PON3: variants seen among roughly 807,000 people sequenced by gnomAD.
PON3 encodes the protein paraoxonase 3.
A neutral mutation model predicts 36.3 loss-of-function variants in PON3; 37 were observed. The ratio of observed to expected loss-of-function variants is 1.02; its 90% confidence interval spans 0.78 to 1.34. PON3 has a LOEUF of 1.34. Among genes scored for constraint, PON3 ranks in the 40% most tolerant of loss-of-function variants. The pLI is 0.00. For synonymous variants in PON3, 155 were observed against 154.8 expected, an observed-to-expected ratio of 1.00 and a Z score of -0.01; for missense variants, 415 against 426.5, an observed-to-expected ratio of 0.97 and a Z score of 0.24.
Position 95,394,625 on chromosome 7 carries a change from G to A in PON3, c.145+19C>T, listed in dbSNP as rs779522643. 46 of 1,608,878 alleles carry A rather than the reference G, an allele frequency of 2.9e-5. No homozygotes were observed. Among genetic ancestry groups the A allele is most frequent in the Non-Finnish European group, 3.7e-5 (43 of 1,175,478 alleles). ...CCAAGAAGCTGTGCTGGCTCCTCTT[G>A]GTACTGTCACATACATACCAAGTTC... On this transcript the variant is annotated intron_variant, in intron 2 of 8. Coordinates refer to ENST00000265627, the MANE Select transcript of PON3 (RefSeq NM_000940.3).
chr7:95,391,932 A>C (rs754772570), intron 2 of PON3, among the ~76,000 whole-genome samples: 2 of 152,218 alleles, frequency 1.3e-5, no homozygotes, highest in Admixed American at 6.5e-5. Flanking sequence ...CACAACAGAG[A>C]GTAAAAAGGC....
intron 3 of PON3, among the ~76,000 whole-genome samples, chr7:95,383,249 C>T (rs1469444919): frequency 6.6e-6 from 1 of 152,188 alleles, no homozygotes; most frequent in Non-Finnish European, 1.5e-5. Context: ...CAATATCATA[C>T]TGAATGGGCA....
At chr7:95,375,838 T>C (rs1323747196) in intron 3 of PON3, among the ~76,000 whole-genome samples, 2 of 152,228 alleles carry the variant, frequency 1.3e-5, no homozygotes, top group Non-Finnish European at 2.9e-5. Flanking sequence ...ATTCTTTTCA[T>C]ACCATTCACT....
chr7:95,390,085 A>G, intron 3 of PON3, 69 bp downstream of exon 3: 1 of 1,458,498 alleles, frequency 6.9e-7, no homozygotes, highest in South Asian at 1.1e-5. Flanking sequence ...GCAGCTCCAG[A>G]GGACAACATT....
At chr7:95,364,987 A>C (rs779145423) in intron 5 of PON3, 8 of 152,154 alleles carry the variant, frequency 5.3e-5, no homozygotes, top group Non-Finnish European at 1.2e-4. Flanking sequence ...TGAATCAGGA[A>C]ATACTTTGAA....
At chr7:95,366,294 A>G (rs924304074) in intron 5 of PON3, among the ~76,000 whole-genome samples, 2 of 152,170 alleles carry the variant, frequency 1.3e-5, no homozygotes, top group African/African-American at 4.8e-5. Flanking sequence ...TGAGGCACCA[A>G]TTAAGTGACT....
chr7:95,376,386 A>G (rs1416335246), intron 3 of PON3, among the ~76,000 whole-genome samples: 2 of 152,220 alleles, frequency 1.3e-5, no homozygotes, highest in Non-Finnish European at 2.9e-5. Context: ...CAAATCAGCA[A>G]CTTCCAAACA....
chr7:95,384,412 C>T (rs1020872885), intron 3 of PON3, among the ~76,000 whole-genome samples: 5 of 152,046 alleles, frequency 3.3e-5, no homozygotes, highest in African/African-American at 1.2e-4. Context: ...TCAGAATGAA[C>T]AGGCAACCTA....
Position 95,381,132 on chromosome 7 carries a change from C to G in PON3, c.202-8794G>C, listed in dbSNP as rs534882747. Among the ~76,000 whole-genome samples, 16 of 152,254 alleles carry G rather than the reference C, an allele frequency of 1.1e-4. No individual in the cohort carries two copies. In the South Asian group the frequency reaches 3.3e-3, roughly 32 times the overall value. ...TCACAAGTGAAGGAGAAATAAAATCCTTTACAGACAAGCAAATGCAGAGAA... is the reference window on the plus strand; with the variant it reads ...TCACAAGTGAAGGAGAAATAAAATCGTTTACAGACAAGCAAATGCAGAGAA... On this transcript the variant is annotated intron_variant, in intron 3 of 8. Coordinates refer to ENST00000265627, the MANE Select transcript of PON3 (RefSeq NM_000940.3).
At chr7:95,396,186 C>T (rs1809428411) in intron 1 of PON3, 91 bp downstream of exon 1, 1 of 1,409,750 alleles carries the variant, frequency 7.1e-7, no homozygotes, top group African/African-American at 1.4e-5. Flanking sequence ...CTCTTTCCTA[C>T]CCGCTAGGAA....
chr7:95,365,096 T>C (rs531226818), intron 5 of PON3: 4 of 152,204 alleles, frequency 2.6e-5, no homozygotes, highest in African/African-American at 9.6e-5. Flanking sequence ...CCTGACATCA[T>C]AAATTAGGTT....
chr7:95,378,782 C>G (rs190147888), intron 3 of PON3, among the ~76,000 whole-genome samples: 1 of 152,184 alleles, frequency 6.6e-6, no homozygotes, highest in African/African-American at 2.4e-5. Flanking sequence ...ACAACCAGTA[C>G]CAGCCACTGC....
At chr7:95,390,680 T>C (rs1245952604) in intron 2 of PON3, among the ~76,000 whole-genome samples, 2 of 152,144 alleles carry the variant, frequency 1.3e-5, no homozygotes, top group African/African-American at 2.4e-5. Context: ...ACAATCATAT[T>C]GGGAAATTAT....
At chr7:95,368,365 A>G (rs1422791664) in intron 4 of PON3, among the ~76,000 whole-genome samples, 1 of 152,208 alleles carries the variant, frequency 6.6e-6, no homozygotes, top group Non-Finnish European at 1.5e-5. Flanking sequence ...TCTGAAACAC[A>G]CTGGGCACTT....
At chr7:95,374,923 A>C (rs1417871880) in intron 3 of PON3, among the ~76,000 whole-genome samples, 2 of 152,096 alleles carry the variant, frequency 1.3e-5, no homozygotes, top group African/African-American at 4.8e-5. Flanking sequence ...GATCTTATAC[A>C]TAAAGATTCA....
At chr7:95,387,933 T>A (rs1266649494) in intron 3 of PON3, among the ~76,000 whole-genome samples, 3 of 152,168 alleles carry the variant, frequency 2.0e-5, no homozygotes, top group Admixed American at 1.3e-4. Context: ...TAGCCATACG[T>A]AGAAAGCCAA....
intron 3 of PON3, among the ~76,000 whole-genome samples, chr7:95,385,364 A>G (rs1010760505): frequency 1.3e-5 from 2 of 152,038 alleles, no homozygotes; most frequent in African/African-American, 4.8e-5. Context: ...AAAAATATAT[A>G]TTTTAAAAAG....
At chr7:95,362,948 T>C (rs989494477) in intron 6 of PON3, 107 bp from the exon 7 acceptor site, 1 of 765,532 alleles carries the variant, frequency 1.3e-6, no homozygotes, top group African/African-American at 1.7e-5. Flanking sequence ...AAAGTACCAC[T>C]GCAATCCTTT....
At chr7:95,378,248 ACT>A (rs1335137412) in intron 3 of PON3, among the ~76,000 whole-genome samples, 1 of 152,168 alleles carries the variant, frequency 6.6e-6, no homozygotes, top group Non-Finnish European at 1.5e-5. Context: ...GAAATATGGG[ACT>A]CTGTGAAAAG....
Sources: allele counts gnomAD v4.1 joint callset (sites outside exome capture counted in the v4.1 genomes callset), GRCh38; gene constraint gnomAD v4.1.1; transcripts MANE v1.5; gene names NCBI Gene and HGNC (gene_info 2026-07-23, HGNC 2026-07-21).